Variants in SUPT3H observed in about 807,000 individuals in gnomAD.
SUPT3H encodes SPT3 homolog, SAGA and STAGA complex component.
In SUPT3H, 44 loss-of-function variants were observed where a neutral mutation model predicts 44.3. The ratio of observed to expected loss-of-function variants is 0.99; its 90% CI spans 0.78 to 1.28. The LOEUF (loss-of-function observed/expected upper bound fraction) is 1.28, where lower values mean the gene tolerates loss of function less well. Among genes scored for constraint, SUPT3H ranks in the 50% most tolerant of loss-of-function variants. The probability of loss-of-function intolerance (pLI) is 0.00; values close to 1 mark genes in which losing one functional copy is unlikely to be tolerated. For missense variants in SUPT3H, 380 were observed against 387.1 expected (o/e 0.98, Z 0.15); for synonymous variants, 124 against 125.6 (o/e 0.99, Z 0.09).
chr6:45,172,353 G>A (rs751999033), intron 2 of SUPT3H, among the ~76,000 whole-genome samples: 1 of 152,086 alleles, frequency 6.6e-6, no homozygotes, highest in African/African-American at 2.4e-5. Context: ...TTACAGGCAT[G>A]AGCCACTGTG....
intron 2 of SUPT3H, among the ~76,000 whole-genome samples, chr6:45,182,962 C>G (rs573319214): frequency 6.6e-5 from 10 of 152,328 alleles, no homozygotes; most frequent in African/African-American, 2.4e-4. Flanking sequence ...TAAAATCCAT[C>G]AATTCCACTC....
chr6:45,106,696 C>A (rs953539093), intron 2 of SUPT3H, among the ~76,000 whole-genome samples: 4 of 152,048 alleles, frequency 2.6e-5, no homozygotes, highest in African/African-American at 7.2e-5. Context: ...GCCACCACAC[C>A]TGGCTAATTT....
At chr6:44,855,506 T>G (rs1773581382) in intron 10 of SUPT3H, among the ~76,000 whole-genome samples, 2 of 152,184 alleles carry the variant, frequency 1.3e-5, no homozygotes, top group African/African-American at 4.8e-5. Context: ...ACTACTTCTG[T>G]GCAGCCATAG....
In SUPT3H at chr6:45,312,470, G is replaced by A. The variant is rs1009651701; in HGVS notation, c.101+52731C>T. On this transcript the variant is annotated intron_variant, in intron 2 of 10. Coordinates refer to ENST00000371459, the MANE Select transcript of SUPT3H (RefSeq NM_003599.4). ...GCGGAGCTTGCAGTGAGCCGAGATCGTGCCACTGCACTCCAGCCTGGACGA... is the reference window on the plus strand; with the variant it reads ...GCGGAGCTTGCAGTGAGCCGAGATCATGCCACTGCACTCCAGCCTGGACGA... Among the ~76,000 whole-genome samples the A allele has an allele frequency of 5.1e-4, 76 of 148,448 alleles. 1 individual carries two copies. Among genetic ancestry groups the A allele is most frequent in the Admixed American group, 1.3e-3 (19 of 14,852 alleles).
chr6:44,881,669 G>A (rs767036653), intron 10 of SUPT3H, among the ~76,000 whole-genome samples: 15 of 151,874 alleles, frequency 9.9e-5, no homozygotes, highest in South Asian at 2.1e-4. Context: ...GCAAGAGAAC[G>A]GAAATCATAA....
intron 2 of SUPT3H, among the ~76,000 whole-genome samples, chr6:45,279,469 T>G (rs1310292057): frequency 6.6e-6 from 1 of 152,166 alleles, no homozygotes; most frequent in African/African-American, 2.4e-5. Context: ...CATGAGTGGC[T>G]TGGTGCTGTC....
chr6:45,281,858 C>T (rs867092150), intron 2 of SUPT3H, among the ~76,000 whole-genome samples: 1 of 152,112 alleles, frequency 6.6e-6, no homozygotes, highest in Non-Finnish European at 1.5e-5. Context: ...AGACTGACAC[C>T]TCACATGGCC....
At chr6:45,362,176 C>T (rs1358844112) in intron 2 of SUPT3H, among the ~76,000 whole-genome samples, 2 of 152,164 alleles carry the variant, frequency 1.3e-5, no homozygotes, top group East Asian at 3.8e-4. Context: ...AGATTGGTTG[C>T]CAGTTCTAGA....
At chr6:45,073,067 G>C (rs1323388485) in intron 3 of SUPT3H, among the ~76,000 whole-genome samples, 3 of 152,124 alleles carry the variant, frequency 2.0e-5, no homozygotes, top group Admixed American at 1.3e-4. Flanking sequence ...CTCCGTTAAA[G>C]TCTATTTCTC....
At chr6:44,976,399 T>C (rs528121947) in intron 6 of SUPT3H, among the ~76,000 whole-genome samples, 119 of 152,228 alleles carry the variant, frequency 7.8e-4, no homozygotes, top group Non-Finnish European at 1.3e-3. Flanking sequence ...TCTCACTCTG[T>C]TGCCCAGGCT....
chr6:45,073,946 T>C (rs1259412424), intron 3 of SUPT3H, among the ~76,000 whole-genome samples: 2 of 151,984 alleles, frequency 1.3e-5, no homozygotes, highest in Non-Finnish European at 2.9e-5. Flanking sequence ...CTGACATCAA[T>C]TTGTTGAAAT....
chr6:44,966,707 T>C (rs1162474453), intron 6 of SUPT3H, among the ~76,000 whole-genome samples: 1 of 152,180 alleles, frequency 6.6e-6, no homozygotes, highest in Non-Finnish European at 1.5e-5. Flanking sequence ...GAACTAAATA[T>C]TACAATGCAA....
At chr6:44,880,640 G>A (rs1778072962) in intron 10 of SUPT3H, among the ~76,000 whole-genome samples, 2 of 152,124 alleles carry the variant, frequency 1.3e-5, no homozygotes, top group African/African-American at 4.8e-5. Flanking sequence ...ATTCACCAAG[G>A]TTGAAATGAA....
At chr6:45,323,073 G>A in intron 2 of SUPT3H, 2 of 686,504 alleles carry the variant, frequency 2.9e-6, no homozygotes, top group South Asian at 2.2e-5. Flanking sequence ...CAATTACTGT[G>A]CCGGTTGTGA....
intron 10 of SUPT3H, among the ~76,000 whole-genome samples, chr6:44,919,927 G>A (rs1403001051): frequency 6.6e-6 from 1 of 151,978 alleles, no homozygotes; most frequent in Non-Finnish European, 1.5e-5. Flanking sequence ...TGCCCAGGGT[G>A]GAGTGCAGTG....
intron 2 of SUPT3H, 87 bp from the exon 3 acceptor site, chr6:45,106,093 T>C (rs998350641): frequency 1.8e-6 from 2 of 1,099,226 alleles, no homozygotes; most frequent in Non-Finnish European, 2.7e-6. Context: ...TGAATCAGTT[T>C]AGTAAGGAGA....
intron 10 of SUPT3H, among the ~76,000 whole-genome samples, chr6:44,846,463 C>T (rs1771887234): frequency 6.6e-6 from 1 of 152,110 alleles, no homozygotes; most frequent in Admixed American, 6.5e-5. Context: ...TTCAATAAAG[C>T]ATGTGCACCA....
chr6:44,901,127 C>A (rs958432906), intron 10 of SUPT3H, among the ~76,000 whole-genome samples: 3 of 150,632 alleles, frequency 2.0e-5, no homozygotes, highest in African/African-American at 7.3e-5. Context: ...TCTCCTCCTC[C>A]AAAGGAACGC....
intron 2 of SUPT3H, among the ~76,000 whole-genome samples, chr6:45,244,225 C>T (rs563522421): frequency 5.9e-5 from 9 of 152,184 alleles, no homozygotes; most frequent in Admixed American, 2.0e-4. Context: ...GCACGGCCTC[C>T]GTAATTCACC....
Sources: gnomAD v4.1 joint callset for allele counts (sites outside exome capture counted in the v4.1 genomes callset) on GRCh38, gnomAD v4.1.1 for gene constraint, MANE v1.5 for transcripts, NCBI Gene and HGNC (gene_info 2026-07-23, HGNC 2026-07-21) for gene names.